TRIM9: variants seen among roughly 807,000 people sequenced by gnomAD.
TRIM9 encodes the protein E3 ubiquitin-protein ligase TRIM9.
TRIM9 carries 26 observed loss-of-function variants against 78.3 expected under a neutral mutation model. That is an observed-to-expected ratio of 0.33 (90% CI 0.24 to 0.46). The LOEUF (loss-of-function observed/expected upper bound fraction) is 0.46. TRIM9 is among the 20% of genes least tolerant of loss of function. The probability of loss-of-function intolerance (pLI) is 1.00; values close to 1 mark genes in which losing one functional copy is unlikely to be tolerated. For synonymous variants in TRIM9, 398 were observed against 416.5 expected (o/e 0.96, Z 0.54); for missense variants, 787 against 1,036.4 (o/e 0.76, Z 3.30).
At chr14:51,033,784 A>T (rs2058925932) in intron 1 of TRIM9, among the ~76,000 whole-genome samples, 1 of 152,384 alleles carries the variant, frequency 6.6e-6, no homozygotes, top group South Asian at 2.1e-4. Context: ...ATTTTAGAAT[A>T]TTATAGATCA....
At chr14:50,983,195 G>A (rs2052209296) in intron 9 of TRIM9, among the ~76,000 whole-genome samples, 185 bp downstream of exon 9, 1 of 152,160 alleles carries the variant, frequency 6.6e-6, no homozygotes, top group South Asian at 2.1e-4. Flanking sequence ...AAGGTTTGAG[G>A]CATAACATTA....
intron 1 of TRIM9, among the ~76,000 whole-genome samples, chr14:51,039,903 C>T (rs1436422115): frequency 1.3e-5 from 2 of 151,912 alleles, no homozygotes; most frequent in Admixed American, 1.3e-4. Context: ...CCCGCCACCA[C>T]GCCCAGCTAA....
At chr14:50,988,598 T>C (rs1238629709) in intron 7 of TRIM9, among the ~76,000 whole-genome samples, 3 of 151,488 alleles carry the variant, frequency 2.0e-5, no homozygotes, top group Admixed American at 6.6e-5. Flanking sequence ...TTTTGAGTTT[T>C]TTCCCCATCT....
intron 12 of TRIM9, chr14:50,978,978 T>C: frequency 8.8e-7 from 1 of 1,133,178 alleles, no homozygotes; most frequent in East Asian, 4.5e-5. Flanking sequence ...GCTCAGATTT[T>C]CTGATAATGA....
chr14:50,995,834 A>G (rs1466710877), intron 7 of TRIM9, among the ~76,000 whole-genome samples: 5 of 152,232 alleles, frequency 3.3e-5, no homozygotes, highest in African/African-American at 7.2e-5. Flanking sequence ...TTAATAAAGC[A>G]TAAGTGCAGT....
intron 1 of TRIM9, among the ~76,000 whole-genome samples, chr14:51,073,596 T>C (rs954600988): frequency 6.6e-6 from 1 of 152,188 alleles, no homozygotes; most frequent in African/African-American, 2.4e-5. Context: ...TAGGCAAAGT[T>C]ACCATGCTGC....
chr14:51,093,613 T>C (rs1406682040), intron 1 of TRIM9, among the ~76,000 whole-genome samples: 3 of 152,132 alleles, frequency 2.0e-5, no homozygotes, highest in Non-Finnish European at 4.4e-5. Context: ...GCCTGCGGCG[T>C]CTCCCCGACC....
chr14:50,981,759 A>T (rs1566540422), intron 11 of TRIM9, 41 bp downstream of exon 11: 1 of 1,610,322 alleles, frequency 6.2e-7, no homozygotes. Flanking sequence ...CCTGATCAGA[A>T]GCCAACGTGA....
Position 50,981,883 on chromosome 14 carries a change from C to T in TRIM9, c.2079G>A (p.Met693Ile), listed in dbSNP as rs778686048. Residue 693 changes from methionine (M) to isoleucine (I), a missense_variant, in exon 11 of 13, where the codon ATG becomes ATA. By Grantham distance (10) the Met-to-Ile change is conservative. Coordinates refer to ENST00000684578, the MANE Select transcript of TRIM9 (RefSeq NM_001387360.1). ...VARMDVMKDV[M>I]LGKDDKAWAM... ...CCCAAGCTTTGTCGTCTTTTCCTAA[C>T]ATCACATCCTTCATCACGTCCATGC... 8 of 1,614,080 alleles carry T rather than the reference C, an allele frequency of 5.0e-6. No homozygotes were observed. Among genetic ancestry groups the T allele is most frequent in the Non-Finnish European group, 6.8e-6 (8 of 1,180,048 alleles).
intron 1 of TRIM9, among the ~76,000 whole-genome samples, chr14:51,068,319 G>A (rs1453597461): frequency 1.3e-5 from 2 of 151,454 alleles, no homozygotes; most frequent in African/African-American, 4.9e-5. Flanking sequence ...ATATGTATTT[G>A]GTGTGCACCA....
chr14:50,994,358 G>A (rs947537627), intron 7 of TRIM9, among the ~76,000 whole-genome samples: 8 of 152,344 alleles, frequency 5.3e-5, no homozygotes, highest in African/African-American at 1.9e-4. Flanking sequence ...AGTGAGCTAT[G>A]ATTGTGCCAC....
At chr14:51,050,525 T>C (rs751201587) in intron 1 of TRIM9, among the ~76,000 whole-genome samples, 14 of 152,158 alleles carry the variant, frequency 9.2e-5, no homozygotes, top group African/African-American at 3.4e-4. Context: ...TGTATGTCTT[T>C]ATCAGCAGCA....
In TRIM9 at chr14:51,010,417, C is replaced by T. The variant is rs1459703479; in HGVS notation, c.1119G>A (p.Val373=). 1.2e-6 allele frequency: 2 copies of T among 1,613,780 alleles called. No individual in the cohort carries two copies. Among genetic ancestry groups the T allele is most frequent in the African/African-American group, 2.7e-5 (2 of 74,844 alleles). Residue 373 remains valine (V), a synonymous_variant, in exon 4 of 13, where the codon GTG becomes GTA. Coordinates refer to ENST00000684578, the MANE Select transcript of TRIM9 (RefSeq NM_001387360.1). ...AACCACTAGGATCATTTTCCTTAAT[C>T]ACCTCCAAGCAGTACTCCATGAGAC... ...TTGLMEYCLE[V]IKENDPSGFL...
In TRIM9 at chr14:51,094,928, C is replaced by A; in HGVS notation, c.12G>T (p.Met4Ile). The A allele has an allele frequency of 6.7e-7, 1 of 1,495,254 alleles. No individual in the cohort carries two copies. The highest frequency in any genetic ancestry group is 8.9e-7 in the Non-Finnish European group (1 of 1,123,126). 92.6% of individuals were successfully genotyped at this position (1,495,254 alleles called of 1,614,324 possible). A position where few individuals can be genotyped will look rare whatever the true frequency, so the allele number is the denominator to read the frequency against. ...ACACGGGGCATTTCAACTCCTCTTCCATCTCCTCCATGGGGACCGGTCTGG... is the reference window on the plus strand; with the variant it reads ...ACACGGGGCATTTCAACTCCTCTTCAATCTCCTCCATGGGGACCGGTCTGG... MEE[M>I]EEELKCPVCG... Residue 4 changes from methionine to isoleucine, a missense_variant, in exon 1 of 13, where the codon ATG becomes ATT. Met to Ile is a conservative substitution (Grantham distance 10). Transcript: ENST00000684578.
intron 1 of TRIM9, chr14:51,091,347 T>C (rs2064302699): frequency 1.3e-5 from 2 of 152,226 alleles, no homozygotes; most frequent in African/African-American, 4.8e-5. Flanking sequence ...CTGCAGGACT[T>C]GCTTTATCAG....
intron 1 of TRIM9, among the ~76,000 whole-genome samples, chr14:51,037,914 G>C (rs2059289094): frequency 6.6e-6 from 1 of 152,144 alleles, no homozygotes; most frequent in Non-Finnish European, 1.5e-5. Flanking sequence ...CACTTCAAGG[G>C]AGCACCTGTG....
intron 5 of TRIM9, among the ~76,000 whole-genome samples, chr14:51,002,081 T>A (rs1445303155): frequency 2.6e-5 from 4 of 151,848 alleles, no homozygotes; most frequent in Non-Finnish European, 2.9e-5. Flanking sequence ...ATAAACTTAA[T>A]ATATGTAGTT....
intron 5 of TRIM9, among the ~76,000 whole-genome samples, chr14:51,002,063 C>T (rs1019194867): frequency 2.6e-5 from 4 of 152,166 alleles, no homozygotes; most frequent in African/African-American, 9.7e-5. Flanking sequence ...AATCCCAGTT[C>T]TTCACATATA....
At chr14:51,004,940 C>T (rs906581406) in intron 5 of TRIM9, among the ~76,000 whole-genome samples, 5 of 152,182 alleles carry the variant, frequency 3.3e-5, no homozygotes, top group African/African-American at 9.7e-5. Context: ...ACCTTCACAA[C>T]TATGGTGGTT....
Sources: gnomAD v4.1 joint callset for allele counts (sites outside exome capture counted in the v4.1 genomes callset) on GRCh38, gnomAD v4.1.1 for gene constraint, MANE v1.5 for transcripts, NCBI Gene and HGNC (gene_info 2026-07-23, HGNC 2026-07-21) for gene names.